IL7: variants seen among roughly 807,000 people sequenced by gnomAD.
IL7 encodes interleukin 7, also known as interleukin-7.
In IL7, 3 loss-of-function variants were observed where a neutral mutation model predicts 21.6. The ratio of observed to expected loss-of-function variants is 0.14; its 90% CI spans 0.06 to 0.36. The LOEUF (loss-of-function observed/expected upper bound fraction) is 0.36. Ranked by LOEUF, IL7 falls within the 10% of genes least tolerant of loss-of-function variation. The pLI is 1.00. For missense variants in IL7, 175 were observed against 200.2 expected (o/e 0.87, Z 0.76); for synonymous variants, 62 against 68.1 (o/e 0.91, Z 0.44).
At chr8:78,693,847 A>G (rs1270294083) in intron 3 of IL7, among the ~76,000 whole-genome samples, 1 of 152,210 alleles carries the variant, frequency 6.6e-6, no homozygotes, top group Non-Finnish European at 1.5e-5. Flanking sequence ...GTTTTCTTCT[A>G]GGGTTTTTAT....
chr8:78,773,672 T>C (rs890530825), intron 2 of IL7, among the ~76,000 whole-genome samples: 1 of 152,066 alleles, frequency 6.6e-6, no homozygotes, highest in Non-Finnish European at 1.5e-5. Context: ...AGCCAGTGAG[T>C]GGTAACCTAA....
chr8:78,753,715 T>A (rs956140384), intron 2 of IL7, among the ~76,000 whole-genome samples: 14 of 152,192 alleles, frequency 9.2e-5, no homozygotes, highest in African/African-American at 3.4e-4. Context: ...AGGTCGTATG[T>A]TTAAGTCTTT....
In IL7 at chr8:78,740,101, A is replaced by G; in HGVS notation, c.148-19T>C. ...TGCTGTCCTGTAATAAATAACATAA[A>G]ATAATATGGTTAAAACTGAGTACTT... On this transcript the variant is annotated intron_variant, in intron 2 of 5. Transcript: ENST00000263851. 1 of 1,391,212 alleles carries G rather than the reference A, an allele frequency of 7.2e-7. No homozygotes were observed. The highest frequency in any genetic ancestry group is 9.5e-7 in the Non-Finnish European group (1 of 1,048,356). 86.2% of individuals were successfully genotyped at this position (1,391,212 alleles called of 1,614,324 possible).
At chr8:78,686,310 GT>G (rs1315117305) in intron 3 of IL7, among the ~76,000 whole-genome samples, 2 of 152,024 alleles carry the variant, frequency 1.3e-5, no homozygotes, top group Non-Finnish European at 2.9e-5. Context: ...GTTGCATAAA[GT>G]TTCTCTTTAA....
At position 78,738,492 on chromosome 8, in the gene IL7, T is replaced by C. The variant is rs368543801; in HGVS notation, c.360+12A>G. The C allele has an allele frequency of 1.1e-4, 170 of 1,609,170 alleles. 2 individuals are homozygous for C. In the Middle Eastern group the frequency reaches 2.0e-3, roughly 19 times the overall value. ...TAATATTTTTATTCAAAGTAAATAG[T>C]CCTTAGCTTACCTGGCCAGTGCAGT... is the stretch of plus-strand genomic sequence containing the variant. On this transcript the variant is annotated intron_variant, in intron 4 of 5. Coordinates refer to ENST00000263851, the MANE Select transcript of IL7 (RefSeq NM_000880.4).
intron 3 of IL7, among the ~76,000 whole-genome samples, chr8:78,700,163 C>G (rs1810554455): frequency 6.6e-6 from 1 of 152,152 alleles, no homozygotes; most frequent in South Asian, 2.1e-4. Flanking sequence ...GCCATTCTGA[C>G]TAGTGTGAGA....
intron 2 of IL7, among the ~76,000 whole-genome samples, chr8:78,756,246 G>T (rs1032933706): frequency 1.3e-5 from 2 of 151,808 alleles, no homozygotes; most frequent in Non-Finnish European, 2.9e-5. Flanking sequence ...ATTTTGTTGA[G>T]AAACTTTGCA....
At chr8:78,786,336 A>T (rs551464824) in intron 2 of IL7, among the ~76,000 whole-genome samples, 70 of 152,328 alleles carry the variant, frequency 4.6e-4, no homozygotes, top group African/African-American at 1.6e-3. Context: ...CTAAATATAG[A>T]ACAGGTACAG....
intron 2 of IL7, among the ~76,000 whole-genome samples, chr8:78,775,904 T>C (rs1158645751): frequency 6.6e-6 from 1 of 152,048 alleles, no homozygotes. Context: ...AATAAATATT[T>C]AGTGGTTATT....
intron 2 of IL7, among the ~76,000 whole-genome samples, chr8:78,756,740 A>G (rs1000170509): frequency 2.6e-5 from 4 of 151,308 alleles, no homozygotes; most frequent in Non-Finnish European, 5.9e-5. Flanking sequence ...TTTATTTTTT[A>G]TCTTTTCATC....
At chr8:78,765,026 C>G (rs951030023) in intron 2 of IL7, among the ~76,000 whole-genome samples, 3 of 152,034 alleles carry the variant, frequency 2.0e-5, no homozygotes, top group Non-Finnish European at 4.4e-5. Context: ...AATCGACTCA[C>G]CTAAGTATAA....
intron 2 of IL7, among the ~76,000 whole-genome samples, chr8:78,746,082 T>C (rs1328520551): frequency 6.6e-6 from 1 of 152,250 alleles, no homozygotes; most frequent in African/African-American, 2.4e-5. Context: ...TCCTTTACCT[T>C]ATACATTTTC....
intron 2 of IL7, among the ~76,000 whole-genome samples, chr8:78,754,633 CA>C (rs1255625598): frequency 6.6e-6 from 1 of 152,184 alleles, no homozygotes; most frequent in Non-Finnish European, 1.5e-5. Context: ...TACCTGACTT[CA>C]AACTATGCTA....
At chr8:78,794,031 T>G (rs72666866) in intron 2 of IL7, among the ~76,000 whole-genome samples, 12,090 of 152,190 alleles carry the variant, frequency 0.079, 585 homozygotes, top group African/African-American at 0.13. Flanking sequence ...TCTAATTCTC[T>G]TGCTATTTCT....
chr8:78,775,813 G>A lies in IL7; in HGVS notation c.147+22259C>T, dbSNP rs146547157. Reference sequence around the variant, plus strand: ...ACTGGGGGGGCGCTTAGAAGTAAGCGTAAGGATGATACAGGATAGTCAGGG... The same window carrying A: ...ACTGGGGGGGCGCTTAGAAGTAAGCATAAGGATGATACAGGATAGTCAGGG... On this transcript the variant is annotated intron_variant, in intron 2 of 5. Coordinates refer to ENST00000263851, the MANE Select transcript of IL7 (RefSeq NM_000880.4). Among the ~76,000 whole-genome samples, 576 of 152,136 alleles carry A rather than the reference G, an allele frequency of 3.8e-3. 3 individuals carry two copies. The highest frequency in any genetic ancestry group is 0.013 in the African/African-American group (533 of 41,528).
chr8:78,748,294 A>G (rs1812050320), intron 2 of IL7, among the ~76,000 whole-genome samples: 1 of 152,224 alleles, frequency 6.6e-6, no homozygotes, highest in Admixed American at 6.5e-5. Flanking sequence ...AAGAAAGTAT[A>G]TGGGTGAATC....
chr8:78,676,763 T>G (rs1006885328), intron 4 of IL7, among the ~76,000 whole-genome samples: 5 of 152,038 alleles, frequency 3.3e-5, no homozygotes, highest in African/African-American at 1.2e-4. Flanking sequence ...CATTCAATGA[T>G]TTTTTTCTTA....
intron 2 of IL7, among the ~76,000 whole-genome samples, chr8:78,754,232 C>T (rs1378108291): frequency 6.6e-6 from 1 of 152,140 alleles, no homozygotes. Context: ...GCAAAAATCA[C>T]AAGCATCCCT....
chr8:78,777,757 A>T (rs1813179553), intron 2 of IL7, among the ~76,000 whole-genome samples: 1 of 152,084 alleles, frequency 6.6e-6, no homozygotes, highest in Non-Finnish European at 1.5e-5. Context: ...CCAACTACGA[A>T]TGCTGAAATA....
Sources: allele counts gnomAD v4.1 joint callset (sites outside exome capture counted in the v4.1 genomes callset), GRCh38; gene constraint gnomAD v4.1.1; transcripts MANE v1.5; gene names NCBI Gene and HGNC (gene_info 2026-07-23, HGNC 2026-07-21).